The following FAT3 variants were observed in gnomAD, a reference collection of about 807,000 sequenced individuals.
The protein encoded by FAT3 is FAT atypical cadherin 3.
FAT3 carries 95 observed loss-of-function variants against 310.2 expected under a neutral mutation model. That is an observed-to-expected ratio of 0.31 (90% CI 0.26 to 0.36). The LOEUF (loss-of-function observed/expected upper bound fraction) is 0.36. Ranked by LOEUF, FAT3 falls within the 10% of genes least tolerant of loss-of-function variation. FAT3 has a pLI of 1.00. For missense variants in FAT3, 5,408 were observed against 5,715.6 expected (o/e 0.95, Z 1.74); for synonymous variants, 2,314 against 2,192.9 (o/e 1.06, Z -1.54).
Position 92,882,992 on chromosome 11 carries a change from T to G in FAT3, c.12536T>G (p.Val4179Gly), listed in dbSNP as rs779603980. The change falls in exon 24 of 28, where the codon GTC (valine) becomes GGC (glycine). Residue 4179 changes from valine (V) to glycine (G), a missense_variant. Val to Gly is a moderately radical substitution (Grantham distance 109). Transcript: ENST00000525166. Reference protein sequence around the residue: ...VVLFIVFRKKVFRKNYSRNNI... With the variant: ...VVLFIVFRKKGFRKNYSRNNI... Reference sequence around the variant, plus strand: ...CTCTTCATAGTCTTCCGCAAGAAGGTCTTCCGCAAGAACTACTCCCGCAAC... The same window carrying G: ...CTCTTCATAGTCTTCCGCAAGAAGGGCTTCCGCAAGAACTACTCCCGCAAC... 24 of 1,613,928 alleles carry G rather than the reference T, an allele frequency of 1.5e-5. 1 individual carries two copies. The South Asian group carries it at 2.6e-4, about 18-fold the overall frequency.
chr11:92,700,712 A>G (rs1017239200), intron 4 of FAT3, among the ~76,000 whole-genome samples: 3 of 152,130 alleles, frequency 2.0e-5, no homozygotes, highest in African/African-American at 4.8e-5. Context: ...CAAGCTCGCC[A>G]CACACACCAT....
At chr11:92,267,070 C>T (rs1456869828) in intron 1 of FAT3, among the ~76,000 whole-genome samples, 2 of 152,128 alleles carry the variant, frequency 1.3e-5, no homozygotes, top group Non-Finnish European at 2.9e-5. Context: ...TTGCCTGTCA[C>T]GCGGGTGTAG....
intron 4 of FAT3, among the ~76,000 whole-genome samples, chr11:92,752,290 A>G (rs1945849923): frequency 6.6e-6 from 1 of 152,276 alleles, no homozygotes; most frequent in Non-Finnish European, 1.5e-5. Flanking sequence ...CAAAACTGCC[A>G]GGTTTAAAAC....
chr11:92,430,532 T>C (rs924229683), intron 2 of FAT3, among the ~76,000 whole-genome samples: 3 of 152,156 alleles, frequency 2.0e-5, no homozygotes, highest in Non-Finnish European at 4.4e-5. Flanking sequence ...ATATATACTT[T>C]AAGTTTTAGG....
At chr11:92,414,265 A>T (rs1326828467) in intron 2 of FAT3, among the ~76,000 whole-genome samples, 1 of 152,174 alleles carries the variant, frequency 6.6e-6, no homozygotes, top group Non-Finnish European at 1.5e-5. Context: ...TCCCCACCCA[A>T]TTCATGATTG....
intron 1 of FAT3, among the ~76,000 whole-genome samples, chr11:92,349,866 T>G (rs559945855): frequency 6.6e-6 from 1 of 152,196 alleles, no homozygotes; most frequent in African/African-American, 2.4e-5. Context: ...CTCCATGTTT[T>G]CTACGGGATA....
At chr11:92,684,253 A>G (rs969917277) in intron 3 of FAT3, among the ~76,000 whole-genome samples, 1 of 152,208 alleles carries the variant, frequency 6.6e-6, no homozygotes, top group Non-Finnish European at 1.5e-5. Flanking sequence ...TCCCAAAGAA[A>G]GACTGCTAAA....
chr11:92,241,595 A>T (rs564530189), intron 1 of FAT3, among the ~76,000 whole-genome samples: 1 of 152,108 alleles, frequency 6.6e-6, no homozygotes, highest in South Asian at 2.1e-4. Context: ...ATTTGATTTC[A>T]TCTGATTGAG....
In FAT3 at chr11:92,861,057, A is replaced by G. The variant is rs562712161; in HGVS notation, c.11658+1735A>G. ...TTCATGGTGAAAGAAGAAAAACTCA[A>G]AAACCTAAGTCCTGCCTTTATTTTC... On this transcript the variant is annotated intron_variant, in intron 21 of 27. Coordinates refer to ENST00000525166, the MANE Select transcript of FAT3 (RefSeq NM_001367949.2). Among the ~76,000 whole-genome samples, 5 of 152,348 alleles carry G rather than the reference A, an allele frequency of 3.3e-5. No individual in the cohort carries two copies. In the East Asian group the frequency reaches 7.7e-4, roughly 24 times the overall value.
At chr11:92,335,352 G>C (rs903491539) in intron 1 of FAT3, among the ~76,000 whole-genome samples, 1 of 152,072 alleles carries the variant, frequency 6.6e-6, no homozygotes, top group Non-Finnish European at 1.5e-5. Flanking sequence ...TGGCTTTCTT[G>C]ACAGGCAAGA....
At chr11:92,586,112 G>A (rs756786367) in intron 3 of FAT3, among the ~76,000 whole-genome samples, 2 of 151,990 alleles carry the variant, frequency 1.3e-5, no homozygotes, top group Non-Finnish European at 2.9e-5. Flanking sequence ...AGATAGAAAA[G>A]GTAAAGGCTT....
intron 12 of FAT3, among the ~76,000 whole-genome samples, chr11:92,807,167 T>A (rs1450902917): frequency 6.6e-6 from 1 of 152,190 alleles, no homozygotes; most frequent in Non-Finnish European, 1.5e-5. Context: ...AAAGAAGTTT[T>A]CTTAGTCAGA....
chr11:92,886,328 G>GGTGT (rs143452563), intron 24 of FAT3, among the ~76,000 whole-genome samples: 35,017 of 150,404 alleles, frequency 0.23, 4,171 homozygotes, highest in Admixed American at 0.28. Context: ...AAGTAGCCCT[G>GGTGT]GTGTGTGTGT....
intron 13 of FAT3, among the ~76,000 whole-genome samples, chr11:92,829,819 G>A (rs1948195102): frequency 6.6e-6 from 1 of 152,164 alleles, no homozygotes; most frequent in Non-Finnish European, 1.5e-5. Flanking sequence ...TCTCTGGAAT[G>A]GAACCAAGAA....
Position 92,756,916 on chromosome 11 carries a change from A to ATTTT in FAT3, c.3670-4917_3670-4914dup, listed in dbSNP as rs34317439. 4.5e-3 allele frequency among the ~76,000 whole-genome samples: 406 copies of ATTTT among 90,280 alleles called. 32 individuals are homozygous for ATTTT. Among genetic ancestry groups the ATTTT allele is most frequent in the African/African-American group, 9.6e-3 (200 of 20,852 alleles). 59.2% of individuals were successfully genotyped at this position (90,280 alleles called of 152,430 possible). A position where few individuals can be genotyped will look rare whatever the true frequency, so the allele number is the denominator to read the frequency against. The stretch of plus-strand genomic sequence containing the variant: ...AGACCAATGAACTATTTGTGGCTCC[A>ATTTT]TTTTTTTTTTTTTTTTTTTTTTTTT... On this transcript the variant is annotated intron_variant, in intron 4 of 27. Transcript: ENST00000525166.
rs368203364 is a variant in FAT3 at position 92,859,228 on chromosome 11, A to G, written c.11564A>G (p.Lys3855Arg). The G allele has an allele frequency of 5.6e-6, 9 of 1,613,810 alleles. No homozygotes were observed. The highest frequency in any genetic ancestry group is 5.5e-5 in the South Asian group (5 of 91,060). ...AAATATCGGCTTTCTGAAAATAGCA[A>G]AGAAGAGGATTTCAAACTAGCTCTG... The part of the protein sequence containing the change: ...YIKYRLSENS[K>R]EEDFKLALRL... Residue 3855 changes from lysine to arginine, a missense_variant, in exon 21 of 28, where the codon AAA becomes AGA. Around this residue, in one of 5 missense-constraint regions of FAT3, gnomAD observed 4,588 missense variants for 4,809.8 expected, o/e 0.95. Transcript: ENST00000525166.
intron 2 of FAT3, among the ~76,000 whole-genome samples, chr11:92,412,459 G>A (rs1183158716): frequency 7.6e-6 from 1 of 131,778 alleles, no homozygotes; most frequent in Non-Finnish European, 1.6e-5. Flanking sequence ...TGTATAGTAG[G>A]ATTTGTAACC....
Position 92,860,235 on chromosome 11 carries a change from A to C in FAT3, c.11658+913A>C, listed in dbSNP as rs77857419. Among the ~76,000 whole-genome samples the C allele has an allele frequency of 4.0e-3, 603 of 152,312 alleles. 2 individuals carry two copies. Among genetic ancestry groups the C allele is most frequent in the Non-Finnish European group, 7.2e-3 (487 of 68,022 alleles). ...ACAGCTAATATGATAAGTTTGTTTC[A>C]TGTTATCCCCATTTGATCAAGAGGA... On this transcript the variant is annotated intron_variant, in intron 21 of 27. Transcript: ENST00000525166.
chr11:92,581,259 G>A (rs1055743919), intron 3 of FAT3, among the ~76,000 whole-genome samples: 2 of 151,948 alleles, frequency 1.3e-5, no homozygotes, highest in African/African-American at 2.4e-5. Context: ...TCTTACACCA[G>A]TATCCAGAGC....
Sources: gnomAD v4.1 joint callset for allele counts (sites outside exome capture counted in the v4.1 genomes callset) on GRCh38, gnomAD v4.1.1 for gene constraint, gnomAD v4.1.1 regional missense constraint, MANE v1.5 for transcripts, NCBI Gene and HGNC (gene_info 2026-07-23, HGNC 2026-07-21) for gene names.